The following TMED3 variants were observed in gnomAD, a reference collection of about 807,000 sequenced individuals.
TMED3 encodes the protein transmembrane p24 trafficking protein 3.
A neutral mutation model predicts 15.0 loss-of-function variants in TMED3; 9 were observed. The observed-to-expected ratio is 0.60, with a 90% CI of 0.36 to 1.04. The LOEUF (loss-of-function observed/expected upper bound fraction) is 1.04. Among genes scored for constraint, TMED3 ranks in the 50% least tolerant of loss-of-function variants. The pLI, the probability that TMED3 is intolerant of heterozygous loss-of-function variation, is 0.01. For missense variants in TMED3, 267 were observed against 278.9 expected (o/e 0.96, Z 0.30); for synonymous variants, 117 against 121.4 (o/e 0.96, Z 0.24).
At chr15:79,323,166 T>C (rs558225138), downstream of TMED3, among the ~76,000 whole-genome samples, 24 of 152,286 alleles carry the variant, frequency 1.6e-4, no homozygotes, top group South Asian at 1.2e-3. Context: ...GTGAAGTCCC[T>C]CCCAACCACT....
chr15:79,381,051 G>C (rs1002999307), intron 2 of TMED3, among the ~76,000 whole-genome samples: 1 of 152,148 alleles, frequency 6.6e-6, no homozygotes, highest in African/African-American at 2.4e-5. Context: ...ATTCCAATCT[G>C]TTTTCAGGCA....
At chr15:79,315,099 G>A (rs555609542) in intron 2 of TMED3, among the ~76,000 whole-genome samples, 7 of 152,236 alleles carry the variant, frequency 4.6e-5, no homozygotes, top group African/African-American at 1.4e-4. Context: ...CTTCTGGGCC[G>A]CCTTCCAAGG....
intron 2 of TMED3, among the ~76,000 whole-genome samples, chr15:79,380,300 A>G (rs762272694): frequency 2.0e-5 from 3 of 151,688 alleles, no homozygotes; most frequent in Non-Finnish European, 4.4e-5. Flanking sequence ...CAGTGAGCCT[A>G]GATTGTGCCA....
At chr15:79,354,981 G>C (rs962478734) in intron 2 of TMED3, among the ~76,000 whole-genome samples, 22 of 152,242 alleles carry the variant, frequency 1.4e-4, no homozygotes, top group African/African-American at 1.9e-4. Flanking sequence ...AGGCCAGGAC[G>C]AATCAGGAGA....
chr15:79,404,203 C>T (rs1893871428), intron 2 of TMED3, among the ~76,000 whole-genome samples: 1 of 152,188 alleles, frequency 6.6e-6, no homozygotes, highest in South Asian at 2.1e-4. Context: ...GTTAGTCAAA[C>T]CCCTATATGA....
intron 2 of TMED3, among the ~76,000 whole-genome samples, chr15:79,350,940 G>A (rs1217613322): frequency 2.0e-5 from 3 of 152,176 alleles, no homozygotes; most frequent in African/African-American, 7.2e-5. Flanking sequence ...TGATGGCACA[G>A]CAGGCACCTG....
At chr15:79,336,488 C>T (rs1265383831) in intron 2 of TMED3, among the ~76,000 whole-genome samples, 2 of 151,980 alleles carry the variant, frequency 1.3e-5, no homozygotes, top group African/African-American at 4.8e-5. Flanking sequence ...TGAAACCCTG[C>T]CTCTACTAAA....
chr15:79,395,242 C>T (rs757573571), intron 2 of TMED3, among the ~76,000 whole-genome samples: 2 of 152,190 alleles, frequency 1.3e-5, no homozygotes, highest in Non-Finnish European at 2.9e-5. Context: ...TGCAGTGGCA[C>T]GATCTCGGCC....
intron 2 of TMED3, among the ~76,000 whole-genome samples, chr15:79,321,771 G>T (rs975143442): frequency 6.6e-6 from 1 of 152,230 alleles, no homozygotes; most frequent in Non-Finnish European, 1.5e-5. Flanking sequence ...TACTAACTGT[G>T]TGACTCTGGG....
chr15:79,408,389 A>C (rs182472557), intron 2 of TMED3, among the ~76,000 whole-genome samples: 2 of 152,312 alleles, frequency 1.3e-5, no homozygotes, highest in Non-Finnish European at 2.9e-5. Flanking sequence ...CTATGATCTG[A>C]GTGCTGAGTT....
rs1298419835 is a variant in TMED3, at chr15:79,311,135, C to G, written c.-115C>G. The G allele has an allele frequency of 8.3e-7, 1 of 1,211,960 alleles. No individual in the cohort carries two copies. The highest frequency in any genetic ancestry group is 1.6e-5 in the South Asian group (1 of 60,938). The allele number at this position is 1,211,960 out of a possible 1,614,324, so 75.1% of individuals were successfully genotyped here. A position where few individuals can be genotyped will look rare whatever the true frequency, so the allele number is the denominator to read the frequency against. On this transcript the variant is annotated 5_prime_UTR_variant, in exon 1 of 3. Transcript: ENST00000299705. Reference sequence around the variant, plus strand: ...GCCCTCCCGGAAGCGCAGAGCTCCGCTGGTGCCACGTCTATCCCCTTACAT... The same window carrying G: ...GCCCTCCCGGAAGCGCAGAGCTCCGGTGGTGCCACGTCTATCCCCTTACAT...
At chr15:79,411,349 A>G (rs1266441227) in intron 2 of TMED3, 3 of 699,124 alleles carry the variant, frequency 4.3e-6, no homozygotes, top group Non-Finnish European at 7.8e-6. Context: ...TGGGCAGTTC[A>G]TGGTTCCACA....
exon 3 of TMED3, chr15:79,411,606 C>T (rs1167457301): frequency 3.0e-6 from 2 of 661,120 alleles, no homozygotes; most frequent in Non-Finnish European, 5.5e-6. Flanking sequence ...TGCACTGGGA[C>T]TAGCTCCTGG....
At chr15:79,388,120 G>A (rs1346354480) in intron 2 of TMED3, among the ~76,000 whole-genome samples, 1 of 152,028 alleles carries the variant, frequency 6.6e-6, no homozygotes, top group Non-Finnish European at 1.5e-5. Context: ...CCAGTAAAGT[G>A]ATGAATAGGA....
chr15:79,410,369 TACTG>T lies in TMED3; in HGVS notation c.418-1028_418-1025del, dbSNP rs144780884. On this transcript the variant is annotated intron_variant, in intron 2 of 2. Transcript: ENST00000424155. The stretch of plus-strand genomic sequence containing the variant: ...TCGGAATGAAGCATCTGTTCCTTAT[TACTG>T]ACAGTATAGGAGAGGGTGACGCTGT... Among the ~76,000 whole-genome samples the T allele has an allele frequency of 6.2e-3, 949 of 152,316 alleles. 9 individuals are homozygous for T. Among genetic ancestry groups the T allele is most frequent in the African/African-American group, 0.021 (869 of 41,564 alleles).
intron 2 of TMED3, among the ~76,000 whole-genome samples, chr15:79,329,641 C>CCG (rs2058800269): frequency 6.6e-6 from 1 of 151,976 alleles, no homozygotes. Flanking sequence ...AGTGTGGGAG[C>CCG]CACAGGAGCC....
At position 79,393,384 on chromosome 15, in the gene TMED3, T is replaced by C. The variant is rs186318108; in HGVS notation, c.418-18016T>C. ...TAAATGCCAGGAGAGGATACAGAAA[T>C]GAATCAACCAGAGTACCTCTCCTCA... On this transcript the variant is annotated intron_variant, in intron 2 of 2. Transcript: ENST00000424155. Among the ~76,000 whole-genome samples the C allele has an allele frequency of 6.6e-4, 101 of 152,278 alleles. 1 individual carries two copies. In the East Asian group the frequency reaches 0.015, roughly 22 times the overall value.
At chr15:79,384,617 A>C (rs543504322) in intron 2 of TMED3, 3 of 152,262 alleles carry the variant, frequency 2.0e-5, no homozygotes, top group African/African-American at 4.8e-5. Flanking sequence ...CCATGTGTAT[A>C]CTCAAGTAGG....
intron 2 of TMED3, among the ~76,000 whole-genome samples, chr15:79,395,619 A>T (rs369000085): frequency 6.6e-6 from 1 of 152,204 alleles, no homozygotes; most frequent in East Asian, 1.9e-4. Flanking sequence ...TTTTGTTATT[A>T]TTATTTAGAA....
Sources: gnomAD v4.1 joint callset for allele counts (sites outside exome capture counted in the v4.1 genomes callset) on GRCh38, gnomAD v4.1.1 for gene constraint, MANE v1.5 for transcripts, NCBI Gene and HGNC (gene_info 2026-07-23, HGNC 2026-07-21) for gene names.